C3: variants seen among roughly 807,000 people sequenced by gnomAD.
C3 encodes the protein complement C3, also known as C3 and PZP-like alpha-2-macroglobulin domain-containing protein 1.
Under a neutral mutation model 207.9 loss-of-function variants are expected in C3, and 97 were observed. The observed-to-expected ratio is 0.47, with a 90% CI of 0.40 to 0.55. The LOEUF is 0.55. C3 is among the 20% of genes least tolerant of loss of function. The pLI is 0.00. For synonymous variants in C3, 848 were observed against 857.6 expected, an observed-to-expected ratio of 0.99 and a Z score of 0.20; for missense variants, 1,684 against 2,171.7, an observed-to-expected ratio of 0.78 and a Z score of 4.46.
At chr19:6,689,728 T>G (rs1215382876) in intron 27 of C3, among the ~76,000 whole-genome samples, 1 of 152,054 alleles carries the variant, frequency 6.6e-6, no homozygotes, top group Non-Finnish European at 1.5e-5. Context: ...ATGCCTGTAA[T>G]CCCAGCACTT....
chr19:6,682,905 A>G (rs979228215), intron 33 of C3: 1 of 155,714 alleles, frequency 6.4e-6, no homozygotes, highest in Non-Finnish European at 1.4e-5. Context: ...GCAGCAAAGA[A>G]ATGAAAAGTG....
chr19:6,715,690 C>T (rs1318211747), intron 4 of C3, among the ~76,000 whole-genome samples: 10 of 147,964 alleles, frequency 6.8e-5, no homozygotes, highest in Non-Finnish European at 1.5e-5. Context: ...GGCGAGATCT[C>T]GGCTCACTGC....
chr19:6,715,348 C>T (rs1007604368), intron 4 of C3, among the ~76,000 whole-genome samples: 6 of 152,002 alleles, frequency 3.9e-5, no homozygotes, highest in Admixed American at 6.6e-5. Context: ...TGGTGGCGCA[C>T]GTCTGTGGTC....
intron 16 of C3, 35 bp downstream of exon 16, chr19:6,707,431 G>T (rs1204401307): frequency 6.2e-7 from 1 of 1,611,172 alleles, no homozygotes; most frequent in Non-Finnish European, 8.5e-7. Context: ...CTGGGGTGGG[G>T]CTCGGGGGCA....
intron 17 of C3, among the ~76,000 whole-genome samples, chr19:6,703,226 A>G (rs1358922683): frequency 6.6e-6 from 1 of 152,126 alleles, no homozygotes; most frequent in Non-Finnish European, 1.5e-5. Context: ...AAAGAACTAA[A>G]AATTATATCC....
At chr19:6,689,327 A>AT (rs1918097354) in intron 27 of C3, among the ~76,000 whole-genome samples, 7 of 49,724 alleles carry the variant, frequency 1.4e-4, no homozygotes, top group African/African-American at 7.7e-4. Context: ...CTCTCTACCT[A>AT]CCTCCCTCCC....
Position 6,713,226 on chromosome 19 carries a change from C to T in C3, c.966G>A (p.Lys322=), listed in dbSNP as rs775280573. ...QNPRAEDLVG[K]SLYVSATVIL... ...TGACGGTGGCAGACACGTACAAAGA[C>T]TTCCCCACCAGGTCTTCTGCTCGGG... Residue 322 remains lysine (K), a synonymous_variant, in exon 9 of 41, where the codon AAG becomes AAA. Transcript: ENST00000245907. 5.0e-6 allele frequency: 8 copies of T among 1,613,626 alleles called. No individual in the cohort carries two copies. The East Asian group carries it at 1.6e-4, about 31-fold the overall frequency.
At chr19:6,705,642 C>T (rs997828636) in intron 17 of C3, among the ~76,000 whole-genome samples, 7 of 150,970 alleles carry the variant, frequency 4.6e-5, no homozygotes, top group Non-Finnish European at 8.8e-5. Context: ...CCACCGTGCC[C>T]GGCCAATTTT....
chr19:6,679,661 G>A (rs1917810819), intron 36 of C3, among the ~76,000 whole-genome samples, 165 bp from the exon 37 acceptor site: 1 of 151,924 alleles, frequency 6.6e-6, no homozygotes, highest in Non-Finnish European at 1.5e-5. Context: ...TCTGATCTTT[G>A]GGATTCTCAG....
rs1452918178 is a variant in C3 at position 6,712,400 on chromosome 19, C to A, written c.1126G>T (p.Val376Leu). The change falls in exon 11 of 41, where the codon GTG becomes TTG. Residue 376 changes from valine to leucine, a missense_variant. By Grantham distance (32) the Val-to-Leu change is conservative (BLOSUM62 1). Coordinates refer to ENST00000245907, the MANE Select transcript of C3 (RefSeq NM_000064.4). ...PGMPFDLMVF[V>L]TNPDGSPAYR... ...GCTGGAGAGCCATCAGGGTTCGTCA[C>A]GAACACCTGTGATGTGGGGTGCAGG... The A allele has an allele frequency of 6.2e-7, 1 of 1,614,132 alleles. No homozygotes were observed. The highest frequency in any genetic ancestry group is 1.7e-5 in the Admixed American group (1 of 60,012).
chr19:6,688,493 C>T (rs980251564), intron 27 of C3, among the ~76,000 whole-genome samples: 3 of 151,698 alleles, frequency 2.0e-5, no homozygotes, highest in African/African-American at 7.3e-5. Flanking sequence ...GGAAATTTAA[C>T]ACTGGGCTCC....
intron 17 of C3, among the ~76,000 whole-genome samples, chr19:6,704,227 C>T (rs1056976779): frequency 2.6e-5 from 4 of 152,120 alleles, no homozygotes; most frequent in African/African-American, 9.7e-5. Context: ...GTTGACGCTG[C>T]AGTGAGCTGT....
intron 21 of C3, among the ~76,000 whole-genome samples, chr19:6,697,045 A>AAAAAAAG (rs879867261): frequency 9.3e-6 from 1 of 107,382 alleles, no homozygotes; most frequent in Non-Finnish European, 1.9e-5. Flanking sequence ...CTGTCTCAAA[A>AAAAAAAG]AAATAAACAA....
chr19:6,693,631 A>G, intron 24 of C3, 144 bp from the exon 25 acceptor site: 2 of 706,574 alleles, frequency 2.8e-6, no homozygotes, highest in East Asian at 2.8e-5. Context: ...TAAAAAGGGA[A>G]GGACTCAAAG....
chr19:6,697,784 C>A lies in C3; in HGVS notation c.2451G>T (p.Val817=), dbSNP rs1967571709. The change falls in exon 20 of 41, where the codon GTG becomes GTT. Residue 817 remains valine (V), a synonymous_variant. Coordinates refer to ENST00000245907, the MANE Select transcript of C3 (RefSeq NM_000064.4). ...VSMSDKKGIC[V]ADPFEVTVMQ... The stretch of plus-strand genomic sequence containing the variant: ...TTACTGTGACCTCGAAGGGGTCTGC[C>A]ACACAGATCCCTGCTCGGGCAGAGA... 6.2e-7 allele frequency: 1 copy of A among 1,612,976 alleles called. No homozygotes were observed. The highest frequency in any genetic ancestry group is 1.3e-5 in the African/African-American group (1 of 74,850).
At chr19:6,679,375 G>A (rs1599496513) in intron 37 of C3, 32 bp downstream of exon 37, 1 of 1,569,024 alleles carries the variant, frequency 6.4e-7, no homozygotes, top group South Asian at 1.1e-5. Context: ...GGCTTGCTCA[G>A]ACCCACCTGT....
chr19:6,690,586 A>G, intron 27 of C3, 43 bp downstream of exon 27: 1 of 1,511,514 alleles, frequency 6.6e-7, no homozygotes, highest in Non-Finnish European at 9.2e-7. Context: ...TGTGCTCTGC[A>G]TCGGGTAAGG....
intron 14 of C3, among the ~76,000 whole-genome samples, chr19:6,708,885 G>A (rs966125689): frequency 3.4e-4 from 51 of 151,692 alleles, no homozygotes; most frequent in African/African-American, 1.1e-3. Context: ...ATGGGGTCTT[G>A]CCATGTTGCC....
chr19:6,693,331 C>A, intron 25 of C3, 81 bp downstream of exon 25: 1 of 1,410,526 alleles, frequency 7.1e-7, no homozygotes, highest in Non-Finnish European at 9.8e-7. Flanking sequence ...GCCTAAGGGA[C>A]CACCCCTGGC....
Sources: gnomAD v4.1 joint callset for allele counts (sites outside exome capture counted in the v4.1 genomes callset) on GRCh38, gnomAD v4.1.1 for gene constraint, MANE v1.5 for transcripts, NCBI Gene and HGNC (gene_info 2026-07-23, HGNC 2026-07-21) for gene names.